MTSS1: variants seen among roughly 807,000 people sequenced by gnomAD.
The protein encoded by MTSS1 is protein MTSS 1.
In MTSS1, 18 loss-of-function variants were observed where a neutral mutation model predicts 79.0. The ratio of observed to expected loss-of-function variants is 0.23; its 90% CI spans 0.16 to 0.34. MTSS1 has a LOEUF of 0.34. Among genes scored for constraint, MTSS1 ranks in the 10% least tolerant of loss-of-function variants. The probability of loss-of-function intolerance (pLI) is 1.00; values close to 1 mark genes in which losing one functional copy is unlikely to be tolerated. For missense variants in MTSS1, 815 were observed against 986.2 expected (o/e 0.83, Z 2.33); for synonymous variants, 341 against 368.6 (o/e 0.93, Z 0.86).
chr8:124,600,931 C>T (rs1833676057), intron 3 of MTSS1, among the ~76,000 whole-genome samples: 2 of 152,108 alleles, frequency 1.3e-5, no homozygotes, highest in Non-Finnish European at 1.5e-5. Context: ...GCTGGGGGAC[C>T]GGGAGGCTCA....
intron 3 of MTSS1, among the ~76,000 whole-genome samples, chr8:124,644,603 T>A (rs973808180): frequency 2.0e-5 from 3 of 152,248 alleles, no homozygotes; most frequent in African/African-American, 7.2e-5. Context: ...TAAATAGTAC[T>A]GGTGTCTAAA....
chr8:124,666,660 C>T (rs1002638639), intron 3 of MTSS1, among the ~76,000 whole-genome samples: 1 of 151,968 alleles, frequency 6.6e-6, no homozygotes, highest in Non-Finnish European at 1.5e-5. Flanking sequence ...GGTCTGAGGT[C>T]CAAAAAGATG....
intron 3 of MTSS1, among the ~76,000 whole-genome samples, chr8:124,595,872 C>T (rs1199899179): frequency 1.3e-5 from 2 of 152,342 alleles, no homozygotes; most frequent in Non-Finnish European, 1.5e-5. Context: ...ATGATGCTAA[C>T]TCCATCCCCT....
Position 124,555,855 on chromosome 8 carries a change from C to T in MTSS1, c.1454G>A (p.Arg485Gln), listed in dbSNP as rs777307626. ...CCTCTGGGTGTCCAGCTGCAGGCCCCGAGACAGGGCCAGGGCCAGCTCCTC... is the reference window on the plus strand; with the variant it reads ...CCTCTGGGTGTCCAGCTGCAGGCCCTGAGACAGGGCCAGGGCCAGCTCCTC... ...ACEELALALS[R>Q]GLQLDTQRSS... Residue 485 changes from arginine (R) to glutamine (Q), a missense_variant, in exon 13 of 14, where the codon CGG (arginine) becomes CAG (glutamine). Transcript: ENST00000518547. 9.3e-6 allele frequency: 15 copies of T among 1,612,460 alleles called. No homozygotes were observed. The highest frequency in any genetic ancestry group is 2.2e-5 in the South Asian group (2 of 91,046).
intron 10 of MTSS1, among the ~76,000 whole-genome samples, chr8:124,559,284 T>C (rs1262863973): frequency 6.6e-6 from 1 of 152,204 alleles, no homozygotes; most frequent in Non-Finnish European, 1.5e-5. Context: ...ATTTATTGCA[T>C]GAGGGCGGAC....
chr8:124,715,676 T>C (rs767329785), intron 1 of MTSS1, among the ~76,000 whole-genome samples: 55 of 135,794 alleles, frequency 4.1e-4, no homozygotes, highest in Non-Finnish European at 7.2e-4. Flanking sequence ...GTTTGTCATT[T>C]CCATAGCCAT....
At position 124,635,515 on chromosome 8, in the gene MTSS1, G is replaced by A. The variant is rs528168500; in HGVS notation, c.209-44280C>T. ...GCTTGACACATCCCAGGCAAATGCC[G>A]GAACGCCTCTGTTCCTATAAGATCT... On this transcript the variant is annotated intron_variant, in intron 3 of 13. Coordinates refer to ENST00000518547, the MANE Select transcript of MTSS1 (RefSeq NM_014751.6). Among the ~76,000 whole-genome samples, 253 of 152,304 alleles carry A rather than the reference G, an allele frequency of 1.7e-3. 2 individuals are homozygous for A. The highest frequency in any genetic ancestry group is 6.8e-3 in the Middle Eastern group (2 of 294).
chr8:124,622,321 G>A (rs112519807), intron 3 of MTSS1, among the ~76,000 whole-genome samples: 106 of 151,994 alleles, frequency 7.0e-4, no homozygotes, highest in African/African-American at 2.2e-3. Context: ...GGGTGGGGGA[G>A]GTGAAGGAGG....
chr8:124,626,352 A>G (rs942078099), intron 3 of MTSS1, among the ~76,000 whole-genome samples: 2 of 152,144 alleles, frequency 1.3e-5, no homozygotes, highest in African/African-American at 4.8e-5. Context: ...AAATGATCCT[A>G]TAAGCCAGGC....
At chr8:124,656,476 T>A (rs76283531) in intron 3 of MTSS1, among the ~76,000 whole-genome samples, 7 of 150,842 alleles carry the variant, frequency 4.6e-5, no homozygotes, top group East Asian at 3.9e-4. Context: ...TTTTTTTTTT[T>A]AAATGAAAAT....
At position 124,582,542 on chromosome 8, in the gene MTSS1, A is replaced by G. The variant is rs1336765019; in HGVS notation, c.460+2545T>C. Among the ~76,000 whole-genome samples, 1 of 152,160 alleles carries G rather than the reference A, an allele frequency of 6.6e-6. No homozygotes were observed. The highest frequency in any genetic ancestry group is 2.4e-5 in the African/African-American group (1 of 41,442). On this transcript the variant is annotated intron_variant, in intron 6 of 13. Coordinates refer to ENST00000518547, the MANE Select transcript of MTSS1 (RefSeq NM_014751.6). This position sits in a 1 kb window ranked among gnomAD's most constrained non-coding sequence, Gnocchi z 4.8. ...AGTTTTTGAAAAAGGCATGGCAGGAAGCTGCTTGAGAATCTCCTGGAAACA... is the reference window on the plus strand; with the variant it reads ...AGTTTTTGAAAAAGGCATGGCAGGAGGCTGCTTGAGAATCTCCTGGAAACA...
At chr8:124,662,218 A>G (rs1425736919) in intron 3 of MTSS1, among the ~76,000 whole-genome samples, 2 of 152,082 alleles carry the variant, frequency 1.3e-5, no homozygotes, top group Non-Finnish European at 2.9e-5. Flanking sequence ...CCTACCTCAC[A>G]CCACTCAGGA....
intron 3 of MTSS1, among the ~76,000 whole-genome samples, chr8:124,653,701 G>A (rs1820425218): frequency 6.6e-6 from 1 of 152,042 alleles, no homozygotes; most frequent in African/African-American, 2.4e-5. Context: ...TCCAGCCTGG[G>A]CAACAGAGCA....
intron 8 of MTSS1, chr8:124,565,964 C>A: frequency 2.5e-6 from 1 of 397,092 alleles, no homozygotes; most frequent in South Asian, 5.2e-5. Flanking sequence ...GAAAGTAAAA[C>A]TATAATTAAT....
rs752234597 is a variant in MTSS1, at chr8:124,557,804, G to A, written c.1107C>T (p.Phe369=). The A allele has an allele frequency of 6.2e-7, 1 of 1,602,010 alleles. No homozygotes were observed. The highest frequency in any genetic ancestry group is 8.5e-7 in the Non-Finnish European group (1 of 1,174,300). ...SHVGPTGAGL[F]PHCLPASRLL... ...GGCGGGAGGCAGGCAGGCAATGAGGGAAAAGGCCTGCACCCGTGGGCCCCA... is the reference window on the plus strand; with the variant it reads ...GGCGGGAGGCAGGCAGGCAATGAGGAAAAAGGCCTGCACCCGTGGGCCCCA... The change falls in exon 11 of 14, where the codon TTC becomes TTT. Residue 369 remains phenylalanine (F), a synonymous_variant. Transcript: ENST00000518547.
intron 10 of MTSS1, among the ~76,000 whole-genome samples, chr8:124,562,536 C>A (rs1825562421): frequency 6.6e-6 from 1 of 152,166 alleles, no homozygotes; most frequent in Admixed American, 6.5e-5. Context: ...CATCTACTTA[C>A]GTGAGAGCTC....
In MTSS1 at chr8:124,727,999, G is replaced by A. The variant is rs1355015772; in HGVS notation, c.-44C>T. Reference sequence around the variant, plus strand: ...GCGAGGGCACACACGCGGGGCCGCTGGACTGCGCGCGGGGCCGGGGCTCGC... The same window carrying A: ...GCGAGGGCACACACGCGGGGCCGCTAGACTGCGCGCGGGGCCGGGGCTCGC... On this transcript the variant is annotated 5_prime_UTR_variant, in exon 1 of 14. Transcript: ENST00000518547. This position sits in a 1 kb window ranked among gnomAD's most constrained non-coding sequence, Gnocchi z 4.7. The A allele has an allele frequency of 3.8e-6, 6 of 1,573,340 alleles. No homozygotes were observed. Among genetic ancestry groups the A allele is most frequent in the Non-Finnish European group, 5.2e-6 (6 of 1,150,750 alleles).
chr8:124,615,552 A>G (rs993157880), intron 3 of MTSS1, among the ~76,000 whole-genome samples: 6 of 152,152 alleles, frequency 3.9e-5, no homozygotes, highest in Admixed American at 3.9e-4. Context: ...AATGGTGGTT[A>G]TCAGGCACTG....
At chr8:124,660,486 G>A (rs1162832095) in intron 3 of MTSS1, among the ~76,000 whole-genome samples, 3 of 149,624 alleles carry the variant, frequency 2.0e-5, no homozygotes, top group Non-Finnish European at 4.4e-5. Flanking sequence ...TCAAGCTGAA[G>A]GGTGGAGGCA....
Sources: gnomAD v4.1 joint callset for allele counts (sites outside exome capture counted in the v4.1 genomes callset) on GRCh38, gnomAD v4.1.1 for gene constraint, Gnocchi (gnomAD v3.1) non-coding constraint, MANE v1.5 for transcripts, NCBI Gene and HGNC (gene_info 2026-07-23, HGNC 2026-07-21) for gene names.